PODNL1: variants seen among roughly 807,000 people sequenced by gnomAD.
PODNL1 encodes the protein podocan like 1.
A neutral mutation model predicts 45.1 loss-of-function variants in PODNL1; 50 were observed. The ratio of observed to expected loss-of-function variants is 1.11; its 90% CI spans 0.88 to 1.40. The LOEUF (loss-of-function observed/expected upper bound fraction) is 1.40, where lower values mean the gene tolerates loss of function less well. PODNL1 is among the 40% of genes most tolerant of loss of function. The pLI is 0.00. For missense variants in PODNL1, 788 were observed against 793.3 expected, an observed-to-expected ratio of 0.99 and a Z score of 0.08; for synonymous variants, 406 against 372.5, an observed-to-expected ratio of 1.09 and a Z score of -1.04.
rs1211544999 is a variant in PODNL1, at chr19:13,935,836, G to C, written c.385-6C>G. On this transcript the variant is annotated splice_region_variant and splice_polypyrimidine_tract_variant and intron_variant, in intron 4 of 9. Transcript: ENST00000588872. ...AACTGAGGGGCCACTGAGAGCTGTG[G>C]GGACACAGCCCACAGCCGGACTGGT... The C allele has an allele frequency of 1.9e-6, 3 of 1,600,930 alleles. No homozygotes were observed. Among genetic ancestry groups the C allele is most frequent in the Non-Finnish European group, 2.6e-6 (3 of 1,175,052 alleles).
chr19:13,932,631 C>T lies in PODNL1; in HGVS notation c.1425+167G>A, dbSNP rs530397890. On this transcript the variant is annotated intron_variant, in intron 8 of 9. Coordinates refer to ENST00000588872, the MANE Select transcript of PODNL1 (RefSeq NM_001370095.3). ...TTGGCTCCCCAAAGTGCTGGGATTA[C>T]AGGCATGAGCCACCTCACCCAGCCT... 10 of 1,518,346 alleles carry T rather than the reference C, an allele frequency of 6.6e-6. No homozygotes were observed. The African/African-American group carries it at 1.2e-4, about 19-fold the overall frequency. The allele number at this position is 1,518,346 out of a possible 1,614,324, so 94.1% of individuals were successfully genotyped here. A position where few individuals can be genotyped will look rare whatever the true frequency, so the allele number is the denominator to read the frequency against.
At chr19:13,938,447 C>CA, upstream of PODNL1, 1 of 1,281,008 alleles carries the variant, frequency 7.8e-7, no homozygotes, top group South Asian at 2.8e-5. Context: ...ACAACCACCC[C>CA]ATCTCTGCTT....
At chr19:13,939,324 G>A (rs948568644), upstream of PODNL1, among the ~76,000 whole-genome samples, 18 of 152,246 alleles carry the variant, frequency 1.2e-4, 1 homozygote, top group Admixed American at 7.9e-4. Context: ...TGATTCTCCC[G>A]CCTCAGCCTC....
chr19:13,946,137 A>G (rs114313592), intron 1 of PODNL1, among the ~76,000 whole-genome samples: 18 of 152,286 alleles, frequency 1.2e-4, no homozygotes, highest in African/African-American at 4.3e-4. Flanking sequence ...TTCAGATAAA[A>G]ATGGAGTTTC....
chr19:13,934,773 A>G (rs899255264), intron 5 of PODNL1, among the ~76,000 whole-genome samples: 1 of 151,682 alleles, frequency 6.6e-6, no homozygotes, highest in Non-Finnish European at 1.5e-5. Flanking sequence ...GTGCCTGTGC[A>G]TAAGTGTGCA....
chr19:13,935,008 CTG>C (rs1491175679), intron 5 of PODNL1, among the ~76,000 whole-genome samples: 2 of 148,884 alleles, frequency 1.3e-5, no homozygotes, highest in African/African-American at 5.0e-5. Context: ...GAGTGTGTGC[CTG>C]TGTGCATGTG....
chr19:13,931,864 CTCG>C lies in PODNL1; in HGVS notation c.1595_1597del (p.Thr532del). The C allele has an allele frequency of 8.1e-7, 1 of 1,232,026 alleles. No individual in the cohort carries two copies. The highest frequency in any genetic ancestry group is 3.2e-5 in the East Asian group (1 of 31,706). The allele number at this position is 1,232,026 out of a possible 1,614,324, so 76.3% of individuals were successfully genotyped here. The stretch of plus-strand genomic sequence containing the variant: ...CCCCAGGAAGGCCTCAGCCGCGATG[CTCG>C]TCATGTGAAGCCTGTTGGCCCTGCA... On this transcript the variant is annotated inframe_deletion, in exon 10 of 10. Coordinates refer to ENST00000588872, the MANE Select transcript of PODNL1 (RefSeq NM_001370095.3).
chr19:13,944,261 CA>C (rs2145456996), intron 1 of PODNL1, among the ~76,000 whole-genome samples: 1 of 149,836 alleles, frequency 6.7e-6, no homozygotes, highest in East Asian at 2.0e-4. Context: ...CTCCCGGGTT[CA>C]CACCTTCTCC....
rs188449674 is a variant in PODNL1 at position 13,935,382 on chromosome 19, G to A, written c.494+339C>T. Among the ~76,000 whole-genome samples, 159 of 152,098 alleles carry A rather than the reference G, an allele frequency of 1.0e-3. 2 individuals carry two copies. The East Asian group carries it at 0.029, about 28-fold the overall frequency. ...CACTCTGTCGCCCAGGCTTGAGTGC[G>A]GTGGCACGATTTCGTCTCACTGCAA... On this transcript the variant is annotated intron_variant, in intron 5 of 9. Transcript: ENST00000588872.
At chr19:13,937,634 G>T in intron 2 of PODNL1, 151 bp downstream of exon 2, 1 of 709,510 alleles carries the variant, frequency 1.4e-6, no homozygotes, top group Non-Finnish European at 2.3e-6. Context: ...AATCTGCCAA[G>T]GCAAAGCTCC....
At chr19:13,950,366 C>T (rs1007242199) in intron 1 of PODNL1, among the ~76,000 whole-genome samples, 3 of 152,006 alleles carry the variant, frequency 2.0e-5, no homozygotes, top group Admixed American at 1.3e-4. Context: ...ATGAGGGTTT[C>T]GCCATGTTGC....
intron 1 of PODNL1, among the ~76,000 whole-genome samples, chr19:13,943,837 C>G (rs1453361533): frequency 6.6e-6 from 1 of 152,138 alleles, no homozygotes; most frequent in African/African-American, 2.4e-5. Flanking sequence ...ATAATCTCAT[C>G]TCAAGATCCT....
chr19:13,948,566 C>A (rs1302250363), intron 1 of PODNL1, among the ~76,000 whole-genome samples: 4 of 151,288 alleles, frequency 2.6e-5, no homozygotes, highest in Non-Finnish European at 5.9e-5. Flanking sequence ...CACCTACCCT[C>A]CTGGCTCCCC....
exon 1 of PODNL1, chr19:13,953,174 C>T (rs1973163925): frequency 6.6e-7 from 1 of 1,517,690 alleles, no homozygotes. Flanking sequence ...GCTGAGTCTT[C>T]CCCCGCAGAG....
Position 13,932,906 on chromosome 19 carries a change from G to T in PODNL1, c.1317C>A (p.Pro439=). The change falls in exon 8 of 10, where the codon CCC becomes CCA. Residue 439 remains proline (P), a synonymous_variant. Transcript: ENST00000588872. ...GTTGGTCCAGGCCGGCCAGAGGCTC[G>T]GGCTCGAGCATCCGCAGCTGGTTGC... is the stretch of plus-strand genomic sequence containing the variant. The part of the protein sequence containing the change: ...LQRNQLRMLE[P]EPLAGLDQLR... 1 of 1,590,976 alleles carries T rather than the reference G, an allele frequency of 6.3e-7. No individual in the cohort carries two copies. The highest frequency in any genetic ancestry group is 8.5e-7 in the Non-Finnish European group (1 of 1,170,264).
rs758733245 is a variant in PODNL1, at chr19:13,947,170, G to GA, written c.18+5948dup. On this transcript the variant is annotated intron_variant, in intron 1 of 7. Coordinates refer to the PODNL1 transcript ENST00000538371. ...GGTGAAAGAGCAAGACTCCATCTCA[G>GA]AAAAAAAAAAAAAAAAAAAAAAAAA... Among the ~76,000 whole-genome samples the GA allele has an allele frequency of 8.5e-3, 229 of 27,092 alleles. 19 individuals carry two copies. Among genetic ancestry groups the GA allele is most frequent in the Non-Finnish European group, 0.01 (138 of 13,388 alleles). The allele number at this position is 27,092 out of a possible 152,430, so 17.8% of individuals were successfully genotyped here.
At chr19:13,934,979 T>TGATTGCGTGTGCATGCATGAGTGTGTGCC (rs1972242389) in intron 5 of PODNL1, among the ~76,000 whole-genome samples, 2 of 151,896 alleles carry the variant, frequency 1.3e-5, no homozygotes, top group Non-Finnish European at 2.9e-5. Flanking sequence ...TGTGTGCATG[T>TGATTGCGTGTGCATGCATGAGTGTGTGCC]GATTGCGTGT....
chr19:13,952,598 C>T, intron 1 of PODNL1: 1 of 1,264,558 alleles, frequency 7.9e-7, no homozygotes, highest in Middle Eastern at 3.0e-4. Context: ...AAGCGGGCAG[C>T]AGGGCGGCGG....
rs775681903 is a variant in PODNL1, at chr19:13,933,032, G to A, written c.1191C>T (p.Phe397=). The A allele has an allele frequency of 1.3e-6, 2 of 1,538,010 alleles. No individual in the cohort carries two copies. Residue 397 remains phenylalanine, a synonymous_variant, in exon 8 of 10, where the codon TTC becomes TTT. Coordinates refer to ENST00000588872, the MANE Select transcript of PODNL1 (RefSeq NM_001370095.3). This position sits in a 1 kb window ranked among gnomAD's most constrained non-coding sequence, Gnocchi z 5.2. ...LASARVHHRA[F]RRLRALRSLD... ...GGCTGCGCAGGGCACGCAACCGGCG[G>A]AAGGCCCGGTGGTGCACACGGGCGC...
Sources: allele counts gnomAD v4.1 joint callset (sites outside exome capture counted in the v4.1 genomes callset), GRCh38; gene constraint gnomAD v4.1.1; non-coding constraint Gnocchi (gnomAD v3.1); transcripts MANE v1.5; gene names NCBI Gene and HGNC (gene_info 2026-07-23, HGNC 2026-07-21).